Variants in ERI3 observed in about 807,000 individuals in gnomAD.
The protein encoded by ERI3 is ERI1 exoribonuclease family member 3.
A neutral mutation model predicts 44.4 loss-of-function variants in ERI3; 18 were observed. That is an observed-to-expected ratio of 0.41 (90% confidence interval 0.28 to 0.60). The LOEUF is 0.60. Among genes scored for constraint, ERI3 ranks in the 20% least tolerant of loss-of-function variants. ERI3 has a pLI of 0.36. For synonymous variants in ERI3, 183 were observed against 164.8 expected (o/e 1.11, Z -0.84); for missense variants, 294 against 435.5 (o/e 0.68, Z 2.89).
chr1:44,337,739 A>C (rs1014972462), intron 3 of ERI3, among the ~76,000 whole-genome samples: 3 of 152,160 alleles, frequency 2.0e-5, no homozygotes, highest in Non-Finnish European at 2.9e-5. Context: ...AAAATAATTT[A>C]CCATTTTGAA....
intron 7 of ERI3, among the ~76,000 whole-genome samples, chr1:44,283,641 T>C (rs1309726341): frequency 6.6e-6 from 1 of 152,156 alleles, no homozygotes; most frequent in Non-Finnish European, 1.5e-5. Flanking sequence ...AGAGGGGGTA[T>C]GAGTCAAACT....
chr1:44,354,103 T>G, intron 1 of ERI3: 1 of 985,466 alleles, frequency 1.0e-6, no homozygotes, highest in Non-Finnish European at 1.2e-6. Context: ...GAAGCCAATT[T>G]CTGGAAGAAA....
At chr1:44,321,863 T>C (rs1646210945) in intron 3 of ERI3, among the ~76,000 whole-genome samples, 1 of 152,250 alleles carries the variant, frequency 6.6e-6, no homozygotes, top group Non-Finnish European at 1.5e-5. Context: ...ACCTACAGTT[T>C]GTCCTGCTAA....
chr1:44,272,311 G>A (rs1284384230), intron 7 of ERI3, among the ~76,000 whole-genome samples: 1 of 152,140 alleles, frequency 6.6e-6, no homozygotes, highest in African/African-American at 2.4e-5. Flanking sequence ...ATCATTTACA[G>A]GTTCAGAGAG....
intron 3 of ERI3, chr1:44,322,786 C>G (rs1157746492): frequency 4.5e-6 from 7 of 1,550,152 alleles, no homozygotes; most frequent in Non-Finnish European, 6.1e-6. Context: ...CTGGCCCAAA[C>G]AGCCCAGTAG....
At chr1:44,267,354 G>A (rs1363500892) in intron 7 of ERI3, among the ~76,000 whole-genome samples, 3 of 152,172 alleles carry the variant, frequency 2.0e-5, no homozygotes, top group Non-Finnish European at 4.4e-5. Flanking sequence ...ACAGTAGAAA[G>A]GGGCTCATTC....
Position 44,221,348 on chromosome 1 carries a change from G to T in ERI3, c.*210C>A, listed in dbSNP as rs1357370103. 5.3e-6 allele frequency: 3 copies of T among 566,530 alleles called. No homozygotes were observed. Among genetic ancestry groups the T allele is most frequent in the Admixed American group, 3.2e-5 (1 of 31,294 alleles). The allele number at this position is 566,530 out of a possible 1,614,324, so 35.1% of individuals were successfully genotyped here. ...GGCTGAGATTGAGGGGTGGGGATGG[G>T]GGGCACAAAGTGTCTGCTCCAGAAG... is the stretch of plus-strand genomic sequence containing the variant. On this transcript the variant is annotated 3_prime_UTR_variant, in exon 9 of 9. Transcript: ENST00000372257. The surrounding 1 kb of genome is among the most constrained non-coding windows in gnomAD (Gnocchi z 5.9).
chr1:44,319,792 A>T (rs368398121), intron 3 of ERI3, 48 bp from the exon 4 acceptor site: 1 of 1,335,532 alleles, frequency 7.5e-7, no homozygotes, highest in Non-Finnish European at 1.1e-6. Flanking sequence ...ATTGTAATCA[A>T]CCATTTCCAA....
chr1:44,267,171 G>A (rs778398465), intron 7 of ERI3, among the ~76,000 whole-genome samples: 11 of 152,170 alleles, frequency 7.2e-5, no homozygotes, highest in Non-Finnish European at 1.5e-4. Flanking sequence ...CAAGGCAGTG[G>A]GCCTAAAGCA....
intron 3 of ERI3, among the ~76,000 whole-genome samples, chr1:44,330,234 C>T (rs185040487): frequency 7.9e-5 from 12 of 152,310 alleles, no homozygotes; most frequent in Admixed American, 1.3e-4. Context: ...CTTTCAGCAA[C>T]GTCGGCATCT....
At chr1:44,310,951 TCGCG>T (rs141114785) in intron 5 of ERI3, among the ~76,000 whole-genome samples, 15 of 95,022 alleles carry the variant, frequency 1.6e-4, no homozygotes, top group Non-Finnish European at 2.0e-4. Context: ...TATGTGCACA[TCGCG>T]CGCGCGCGCA....
chr1:44,352,736 TG>T, intron 2 of ERI3, 113 bp downstream of exon 2: 1 of 1,102,812 alleles, frequency 9.1e-7, no homozygotes, highest in Non-Finnish European at 1.3e-6. Context: ...GTTTAGACTT[TG>T]GGGATACATG....
rs545941030 is a variant in ERI3 at position 44,299,107 on chromosome 1, G to A, written c.758+9203C>T. ...TGACCTGGGTGGTAGTTACCCAGGTGTATACTTGTATAAAAATATATTGAG... is the reference window on the plus strand; with the variant it reads ...TGACCTGGGTGGTAGTTACCCAGGTATATACTTGTATAAAAATATATTGAG... On this transcript the variant is annotated intron_variant, in intron 6 of 8. Transcript: ENST00000372257. Among the ~76,000 whole-genome samples the A allele has an allele frequency of 9.9e-5, 15 of 151,896 alleles. No homozygotes were observed. The South Asian group carries it at 2.9e-3, about 29-fold the overall frequency.
chr1:44,255,691 T>C (rs1227038386), intron 7 of ERI3, among the ~76,000 whole-genome samples: 1 of 152,114 alleles, frequency 6.6e-6, no homozygotes, highest in Non-Finnish European at 1.5e-5. Flanking sequence ...CATTTCAACA[T>C]CTCCTCTTCA....
At position 44,352,883 on chromosome 1, in the gene ERI3, C is replaced by G. The variant is rs1363497513; in HGVS notation, c.178G>C (p.Ala60Pro). 1.2e-6 allele frequency: 2 copies of G among 1,614,022 alleles called. No homozygotes were observed. The highest frequency in any genetic ancestry group is 2.7e-5 in the African/African-American group (2 of 74,894). Residue 60 changes from alanine (A) to proline (P), a missense_variant, in exon 2 of 9, where the codon GCT becomes CCT. Physicochemically the swap from Ala to Pro is conservative, Grantham distance 27. This residue lies in a region of ERI3 where 107 missense variants were observed against 96.9 expected (regional missense o/e 1.10). Coordinates refer to ENST00000372257, the MANE Select transcript of ERI3 (RefSeq NM_024066.3). ...ACTTCGAAGATGCCAAGACCGGCAG[C>G]TGGGGATGCTGAAGGTTCTGTGAGA... ...PALTEPSASP[A>P]AGLGIFEVRR...
intron 6 of ERI3, among the ~76,000 whole-genome samples, chr1:44,301,672 G>C (rs1262898192): frequency 1.3e-5 from 2 of 152,176 alleles, no homozygotes; most frequent in Non-Finnish European, 2.9e-5. Context: ...CCCACCTCCA[G>C]GGTGGGGAGG....
chr1:44,304,634 T>C (rs1414548135), intron 6 of ERI3, among the ~76,000 whole-genome samples: 1 of 152,172 alleles, frequency 6.6e-6, no homozygotes, highest in Admixed American at 6.5e-5. Flanking sequence ...GGTTCCATCG[T>C]GGCACCTTTC....
At chr1:44,309,301 C>A (rs1026064441) in intron 5 of ERI3, among the ~76,000 whole-genome samples, 1 of 151,570 alleles carries the variant, frequency 6.6e-6, no homozygotes, top group Non-Finnish European at 1.5e-5. Context: ...TTGAGACCAG[C>A]CTGGTTAACA....
intron 4 of ERI3, among the ~76,000 whole-genome samples, chr1:44,318,471 G>C (rs980713819): frequency 6.6e-6 from 1 of 152,210 alleles, no homozygotes; most frequent in Non-Finnish European, 1.5e-5. Flanking sequence ...GGGAAACCCC[G>C]GCAGAGGAAG....
Sources: allele counts gnomAD v4.1 joint callset (sites outside exome capture counted in the v4.1 genomes callset), GRCh38; gene constraint gnomAD v4.1.1; regional missense constraint gnomAD v4.1.1; non-coding constraint Gnocchi (gnomAD v3.1); transcripts MANE v1.5; gene names NCBI Gene and HGNC (gene_info 2026-07-23, HGNC 2026-07-21).